SLC25A32: variants seen among roughly 807,000 people sequenced by gnomAD.
SLC25A32 encodes Glycine auxotroph B, complementation of hamster.
In SLC25A32, 32 loss-of-function variants were observed where a neutral mutation model predicts 39.0. The observed-to-expected ratio is 0.82, with a 90% CI of 0.62 to 1.10. The LOEUF is 1.10. Ranked by LOEUF, SLC25A32 falls within the 50% of genes least tolerant of loss-of-function variation. The probability of loss-of-function intolerance (pLI) is 0.00; values close to 1 mark genes in which losing one functional copy is unlikely to be tolerated. For synonymous variants in SLC25A32, 166 were observed against 152.4 expected, an observed-to-expected ratio of 1.09 and a Z score of -0.66; for missense variants, 367 against 395.3, an observed-to-expected ratio of 0.93 and a Z score of 0.61.
At position 103,407,708 on chromosome 8, in the gene SLC25A32, T is replaced by C. The variant is rs1586115174; in HGVS notation, c.231A>G (p.Gly77=). The change falls in exon 2 of 7, where the codon GGA becomes GGG. Residue 77 remains glycine, a synonymous_variant. Coordinates refer to ENST00000297578, the MANE Select transcript of SLC25A32 (RefSeq NM_030780.5). ...TTACTCCTTGATAAAGTCCCCGTAGTCCATCAAGTTTCCAAATGGTAGTCA... is the reference window on the plus strand; with the variant it reads ...TTACTCCTTGATAAAGTCCCCGTAGCCCATCAAGTTTCCAAATGGTAGTCA... The part of the protein sequence containing the change: ...HCLTTIWKLD[G]LRGLYQGVTP... 6.2e-7 allele frequency: 1 copy of C among 1,613,228 alleles called. No homozygotes were observed. Among genetic ancestry groups the C allele is most frequent in the Non-Finnish European group, 8.5e-7 (1 of 1,179,508 alleles).
chr8:103,411,420 C>T (rs759559052), intron 1 of SLC25A32, among the ~76,000 whole-genome samples: 1 of 152,128 alleles, frequency 6.6e-6, no homozygotes, highest in African/African-American at 2.4e-5. Flanking sequence ...CCCTGGCCCC[C>T]GAGACAATCT....
chr8:103,401,675 A>G lies in SLC25A32; in HGVS notation c.667-14T>C, dbSNP rs781540686. On this transcript the variant is annotated splice_polypyrimidine_tract_variant and intron_variant, in intron 5 of 6. Coordinates refer to ENST00000297578, the MANE Select transcript of SLC25A32 (RefSeq NM_030780.5). ...TTCTACTGTGCTCTAAAATGGCAAT[A>G]CAAAACAGTTTTTTCTTTAGACAGG... is the stretch of plus-strand genomic sequence containing the variant. The G allele has an allele frequency of 4.5e-6, 7 of 1,558,178 alleles. No individual in the cohort carries two copies. The Admixed American group carries it at 1.4e-4, about 32-fold the overall frequency.
Position 103,415,001 on chromosome 8 carries a change from C to G in SLC25A32, c.-64G>C. 6.3e-7 allele frequency: 1 copy of G among 1,584,760 alleles called. No individual in the cohort carries two copies. Among genetic ancestry groups the G allele is most frequent in the Non-Finnish European group, 8.6e-7 (1 of 1,165,174 alleles). On this transcript the variant is annotated 5_prime_UTR_variant, in exon 1 of 7. Coordinates refer to ENST00000297578, the MANE Select transcript of SLC25A32 (RefSeq NM_030780.5). The stretch of plus-strand genomic sequence containing the variant: ...CGGAGGTGGGACGCGATGCAGTGGC[C>G]GCCACCGTGGCGACGGTCGCCCCTT...
intron 1 of SLC25A32, among the ~76,000 whole-genome samples, chr8:103,408,152 A>T (rs1816384570): frequency 7.1e-6 from 1 of 140,658 alleles, no homozygotes; most frequent in East Asian, 2.1e-4. Flanking sequence ...TAATTTTTGT[A>T]TTTTTTTTTT....
chr8:103,403,381 A>G, intron 3 of SLC25A32, 57 bp from the exon 4 acceptor site: 2 of 1,077,120 alleles, frequency 1.9e-6, no homozygotes, highest in Admixed American at 2.4e-5. Context: ...CACTTATGAC[A>G]ACCCAAATTA....
At chr8:103,411,820 T>G (rs1455780521) in intron 1 of SLC25A32, among the ~76,000 whole-genome samples, 3 of 152,210 alleles carry the variant, frequency 2.0e-5, no homozygotes, top group Non-Finnish European at 2.9e-5. Flanking sequence ...CCAGTTTCCA[T>G]TTTCACATGG....
intron 1 of SLC25A32, 105 bp downstream of exon 1, chr8:103,414,679 C>A: frequency 6.6e-7 from 1 of 1,506,258 alleles, no homozygotes; most frequent in Non-Finnish European, 9.0e-7. Flanking sequence ...CGGACAGCAA[C>A]GCTCCCTTCA....
At chr8:103,401,468 T>C (rs889796729) in intron 6 of SLC25A32, 48 bp downstream of exon 6, 2 of 1,577,820 alleles carry the variant, frequency 1.3e-6, no homozygotes, top group South Asian at 1.2e-5. Flanking sequence ...GTCTAAGATA[T>C]GCAAGGTACC....
chr8:103,409,542 C>A (rs963450507), intron 1 of SLC25A32, among the ~76,000 whole-genome samples: 3 of 152,158 alleles, frequency 2.0e-5, no homozygotes, highest in East Asian at 3.9e-4. Context: ...AGAAAGGGAA[C>A]TGATATGGGT....
At position 103,401,954 on chromosome 8, in the gene SLC25A32, G is replaced by C. The variant is rs753070252; in HGVS notation, c.653C>G (p.Pro218Arg). 2.5e-6 allele frequency: 4 copies of C among 1,609,498 alleles called. No individual in the cohort carries two copies. The South Asian group carries it at 4.4e-5, about 18-fold the overall frequency. ...LKYNQHINRL[P>R]EAQLSTVEYI... is the part of the protein sequence containing the mutation. Reference sequence around the variant, plus strand: ...GAATAATCTTACCAACTGGGCTTCTGGTAATCTATTGATATGCTGGTTGTA... The same window carrying C: ...GAATAATCTTACCAACTGGGCTTCTCGTAATCTATTGATATGCTGGTTGTA... The change falls in exon 5 of 7, where the codon CCA becomes CGA. Residue 218 changes from proline to arginine, a missense_variant. By Grantham distance (103) the Pro-to-Arg change is moderately radical. Coordinates refer to ENST00000297578, the MANE Select transcript of SLC25A32 (RefSeq NM_030780.5).
rs996316056 is a variant in SLC25A32, at chr8:103,404,544, G to A, written c.391+232C>T. Among the ~76,000 whole-genome samples the A allele has an allele frequency of 2.0e-5, 3 of 151,726 alleles. 1 individual carries two copies. The highest frequency in any genetic ancestry group is 4.4e-5 in the Non-Finnish European group (3 of 67,974). ...CCGAAGGCAGAGGTTGCAGTGAGCC[G>A]AGATAGCGCCACCGCACTCCAGCCT... On this transcript the variant is annotated intron_variant, in intron 3 of 6. Transcript: ENST00000297578.
rs765672918 is a variant in SLC25A32, at chr8:103,402,056, T to TA, written c.553-3dup. The stretch of plus-strand genomic sequence containing the variant: ...TCCAAACAGCCCAGGAACAAATCCC[T>TA]ACAAGGGAATGATTTTTAAAAAGCA... On this transcript the variant is annotated splice_region_variant and splice_polypyrimidine_tract_variant and intron_variant, in intron 4 of 6. Coordinates refer to ENST00000297578, the MANE Select transcript of SLC25A32 (RefSeq NM_030780.5). 1.1e-5 allele frequency: 17 copies of TA among 1,587,630 alleles called. No homozygotes were observed. The highest frequency in any genetic ancestry group is 1.4e-5 in the Non-Finnish European group (16 of 1,166,902).
intron 1 of SLC25A32, among the ~76,000 whole-genome samples, chr8:103,409,654 G>A (rs1816418019): frequency 6.6e-6 from 1 of 152,158 alleles, no homozygotes; most frequent in Non-Finnish European, 1.5e-5. Flanking sequence ...CTGGTTCACT[G>A]TCCCCTTGCC....
At chr8:103,414,415 G>A (rs1299814480) in intron 1 of SLC25A32, among the ~76,000 whole-genome samples, 4 of 152,110 alleles carry the variant, frequency 2.6e-5, no homozygotes, top group African/African-American at 9.7e-5. Flanking sequence ...AAACCACGTG[G>A]GTATGCTAAG....
chr8:103,406,080 TACAC>T (rs754919068), intron 2 of SLC25A32, among the ~76,000 whole-genome samples: 1 of 134,546 alleles, frequency 7.4e-6, no homozygotes, highest in Admixed American at 7.5e-5. Context: ...TATATATATA[TACAC>T]ACACACATAT....
chr8:103,406,543 T>C (rs1464183860), intron 2 of SLC25A32, among the ~76,000 whole-genome samples: 1 of 152,266 alleles, frequency 6.6e-6, no homozygotes, highest in African/African-American at 2.4e-5. Context: ...GAACTTTCTA[T>C]GGCTTCTTCA....
At chr8:103,411,241 A>C (rs1816456753) in intron 1 of SLC25A32, among the ~76,000 whole-genome samples, 1 of 152,192 alleles carries the variant, frequency 6.6e-6, no homozygotes, top group African/African-American at 2.4e-5. Flanking sequence ...AACCCACCTT[A>C]GTTAGATACG....
chr8:103,414,903 G>A lies in SLC25A32; in HGVS notation c.35C>T (p.Ser12Leu), dbSNP rs765910763. ...TGQGQSASGS[S>L]AWSTVFRHVR... ...GTGGCGGAATACCGTGCTCCACGCC[G>A]ACGACCCGGACGCCGACTGGCCCTG... The change falls in exon 1 of 7, where the codon TCG becomes TTG. Residue 12 changes from serine to leucine, a missense_variant. Ser to Leu is a moderately radical substitution (Grantham distance 145, BLOSUM62 -2). Transcript: ENST00000297578. The A allele has an allele frequency of 5.5e-5, 89 of 1,610,492 alleles. No individual in the cohort carries two copies. The highest frequency in any genetic ancestry group is 3.3e-4 in the Middle Eastern group (2 of 6,076).
intron 2 of SLC25A32, among the ~76,000 whole-genome samples, chr8:103,406,065 G>GTGTATATATATATATA (rs372284581): frequency 4.4e-4 from 64 of 144,236 alleles, no homozygotes; most frequent in Non-Finnish European, 6.7e-4. Context: ...GTGTGTGTGT[G>GTGTATATATATATATA]TATATATATA....
Sources: gnomAD v4.1 joint callset for allele counts (sites outside exome capture counted in the v4.1 genomes callset) on GRCh38, gnomAD v4.1.1 for gene constraint, MANE v1.5 for transcripts, NCBI Gene and HGNC (gene_info 2026-07-23, HGNC 2026-07-21) for gene names.